Variants in RASSF3 observed in about 807,000 individuals in gnomAD.
RASSF3 encodes the protein ras association domain-containing protein 3.
In RASSF3, 19 loss-of-function variants were observed where a neutral mutation model predicts 19.9. That is an observed-to-expected ratio of 0.96 (90% CI 0.67 to 1.40). RASSF3 has a LOEUF of 1.40. Among genes scored for constraint, RASSF3 ranks in the 40% most tolerant of loss-of-function variants. The pLI is 0.00. For missense variants in RASSF3, 306 were observed against 289.8 expected (o/e 1.06, Z -0.41); for synonymous variants, 110 against 104.2 (o/e 1.06, Z -0.34).
intron 1 of RASSF3, among the ~76,000 whole-genome samples, chr12:64,524,116 A>G (rs1261270805): frequency 6.6e-6 from 1 of 151,226 alleles, no homozygotes; most frequent in Admixed American, 6.6e-5. Context: ...CAGTGGCACA[A>G]TCTCGGCTCA....
intron 2 of RASSF3, among the ~76,000 whole-genome samples, chr12:64,598,444 A>G (rs2136144027): frequency 6.6e-6 from 1 of 152,338 alleles, no homozygotes; most frequent in South Asian, 2.1e-4. Flanking sequence ...ATAAGATCTC[A>G]GTACTTAAGG....
chr12:64,688,166 A>G (rs1187220534), intron 2 of RASSF3, 50 bp from the exon 3 acceptor site: 1 of 1,303,728 alleles, frequency 7.7e-7, no homozygotes, highest in Non-Finnish European at 1.1e-6. Context: ...CTTCTTCCCT[A>G]AAGTGCCACC....
intron 1 of RASSF3, among the ~76,000 whole-genome samples, chr12:64,659,132 C>A (rs577259983): frequency 6.6e-6 from 1 of 152,296 alleles, no homozygotes; most frequent in South Asian, 2.1e-4. Flanking sequence ...ACTCTAGTTT[C>A]AAACATACAC....
intron 1 of RASSF3, among the ~76,000 whole-genome samples, chr12:64,666,094 A>G (rs181022438): frequency 6.6e-6 from 1 of 152,368 alleles, no homozygotes; most frequent in East Asian, 1.9e-4. Context: ...TCACTTTTTT[A>G]TGGAGCCATG....
At chr12:64,589,414 C>T (rs1279461247) in intron 2 of RASSF3, among the ~76,000 whole-genome samples, 1 of 152,008 alleles carries the variant, frequency 6.6e-6, no homozygotes, top group Non-Finnish European at 1.5e-5. Context: ...TGTGCCACTG[C>T]ACTCCAGCCT....
At chr12:64,652,058 A>G (rs1871975354) in intron 1 of RASSF3, among the ~76,000 whole-genome samples, 1 of 152,190 alleles carries the variant, frequency 6.6e-6, no homozygotes, top group African/African-American at 2.4e-5. Flanking sequence ...ATAATTTTGA[A>G]ATTTACAACA....
At chr12:64,589,629 A>T (rs1179538786) in intron 2 of RASSF3, among the ~76,000 whole-genome samples, 1 of 151,982 alleles carries the variant, frequency 6.6e-6, no homozygotes. Context: ...CATAAAGAAA[A>T]GGTGTTTGGC....
At chr12:64,583,511 A>T (rs1450422216) in intron 2 of RASSF3, among the ~76,000 whole-genome samples, 1 of 152,200 alleles carries the variant, frequency 6.6e-6, no homozygotes, top group Non-Finnish European at 1.5e-5. Flanking sequence ...AGTTCCAGCT[A>T]CTTGGGAGGC....
chr12:64,659,301 ATAAAG>A (rs2136196763), intron 1 of RASSF3, among the ~76,000 whole-genome samples: 1 of 152,332 alleles, frequency 6.6e-6, no homozygotes, highest in East Asian at 1.9e-4. Context: ...AGTTTGAGAT[ATAAAG>A]TAATTTCCTG....
downstream of RASSF3, among the ~76,000 whole-genome samples, chr12:64,543,067 C>CCGGCGCCG (rs1314008026): frequency 9.4e-5 from 2 of 21,360 alleles, no homozygotes; most frequent in African/African-American, 2.4e-4. Flanking sequence ...GAGTGGCGGG[C>CCGGCGCCG]CCCGCACTTG....
At position 64,694,746 on chromosome 12, in the gene RASSF3, T is replaced by C; in HGVS notation, c.568-17T>C. 6.2e-7 allele frequency: 1 copy of C among 1,613,762 alleles called. No individual in the cohort carries two copies. Among genetic ancestry groups the C allele is most frequent in the Non-Finnish European group, 8.5e-7 (1 of 1,179,794 alleles). ...GTATTAAACATCTGGCATTTTTCTT[T>C]CTGTGTTTCCTGACAGTGGGAAGCC... On this transcript the variant is annotated splice_polypyrimidine_tract_variant and intron_variant, in intron 4 of 4. Coordinates refer to ENST00000542104, the MANE Select transcript of RASSF3 (RefSeq NM_178169.4).
At chr12:64,599,833 C>A (rs1870059092) in intron 2 of RASSF3, among the ~76,000 whole-genome samples, 2 of 151,672 alleles carry the variant, frequency 1.3e-5, no homozygotes, top group African/African-American at 4.8e-5. Context: ...GAGATCGAGA[C>A]CATCCTGGCT....
At chr12:64,509,058 TATGTACCATTCTTCAG>T (rs1868311192) in intron 1 of RASSF3, among the ~76,000 whole-genome samples, 1 of 152,236 alleles carries the variant, frequency 6.6e-6, no homozygotes, top group South Asian at 2.1e-4. Flanking sequence ...TCTCTGTTTA[TATGTACCATTCTTCAG>T]ATATGGATTA....
intron 2 of RASSF3, among the ~76,000 whole-genome samples, chr12:64,550,837 AG>A (rs200706148): frequency 6.8e-6 from 1 of 147,444 alleles, no homozygotes; most frequent in Admixed American, 6.7e-5. Context: ...AAAAAAAGAA[AG>A]AAAGAAAGGA....
chr12:64,512,796 C>G (rs1868336682), intron 1 of RASSF3, among the ~76,000 whole-genome samples: 1 of 152,208 alleles, frequency 6.6e-6, no homozygotes. Flanking sequence ...AATGAGCAAT[C>G]TTACTCATAT....
intron 1 of RASSF3, among the ~76,000 whole-genome samples, chr12:64,643,553 A>G (rs1871622133): frequency 6.6e-6 from 1 of 152,074 alleles, no homozygotes; most frequent in Non-Finnish European, 1.5e-5. Flanking sequence ...GTCTCTTAAA[A>G]AAAAAATAAA....
intron 2 of RASSF3, among the ~76,000 whole-genome samples, chr12:64,686,719 C>T (rs1298170192): frequency 6.6e-6 from 1 of 152,028 alleles, no homozygotes. Flanking sequence ...CCCAGCTACT[C>T]AGGAGGCTGA....
intron 1 of RASSF3, among the ~76,000 whole-genome samples, chr12:64,635,800 A>T (rs892006985): frequency 1.3e-5 from 2 of 152,136 alleles, no homozygotes; most frequent in Non-Finnish European, 2.9e-5. Flanking sequence ...CTGGGCTGTG[A>T]GGGTCAAGGG....
intron 1 of RASSF3, among the ~76,000 whole-genome samples, chr12:64,652,218 C>A (rs532782161): frequency 6.6e-5 from 10 of 151,126 alleles, no homozygotes; most frequent in African/African-American, 2.0e-4. Flanking sequence ...TGTAGTTTTA[C>A]ATTGCTTGAA....
Sources: allele counts gnomAD v4.1 joint callset (sites outside exome capture counted in the v4.1 genomes callset), GRCh38; gene constraint gnomAD v4.1.1; transcripts MANE v1.5; gene names NCBI Gene and HGNC (gene_info 2026-07-23, HGNC 2026-07-21).